The following RCBTB1 variants were observed in gnomAD, a reference collection of about 807,000 sequenced individuals.
RCBTB1 encodes RCC1 and BTB domain containing protein 1, also known as RCC1 and BTB domain-containing protein 1.
RCBTB1 carries 46 observed loss-of-function variants against 62.4 expected under a neutral mutation model. The observed-to-expected ratio is 0.74, with a 90% CI of 0.58 to 0.94. RCBTB1 has a LOEUF of 0.94. Among genes scored for constraint, RCBTB1 ranks in the 40% least tolerant of loss-of-function variants. The pLI, the probability that RCBTB1 is intolerant of heterozygous loss-of-function variation, is 0.00. For missense variants in RCBTB1, 565 were observed against 654.9 expected (o/e 0.86, Z 1.50); for synonymous variants, 222 against 245.8 (o/e 0.90, Z 0.91).
chr13:49,555,857 G>C (rs1041411034), intron 5 of RCBTB1, among the ~76,000 whole-genome samples, 184 bp from the exon 6 acceptor site: 3 of 152,166 alleles, frequency 2.0e-5, no homozygotes, highest in Non-Finnish European at 2.9e-5. Flanking sequence ...AGTGACCCTA[G>C]AGTAGGTAGT....
Position 49,551,395 on chromosome 13 carries a change from T to C in RCBTB1, c.785A>G (p.Tyr262Cys), listed in dbSNP as rs1961325405. ...GLLYAWGANT[Y>C]GQLGTGNKNN... ...TTTATTGCCAGTTCCCAGCTGCCCA[T>C]ATGTGTTAGCTCCCCAGGCATACAG... The change falls in exon 8 of 13, where the codon TAT becomes TGT. Residue 262 changes from tyrosine (Y) to cysteine (C), a missense_variant. By Grantham distance (194) the Tyr-to-Cys change is radical. Coordinates refer to ENST00000378302, the MANE Select transcript of RCBTB1 (RefSeq NM_018191.4). 1 of 1,614,072 alleles carries C rather than the reference T, an allele frequency of 6.2e-7. No individual in the cohort carries two copies. The highest frequency in any genetic ancestry group is 1.7e-5 in the Admixed American group (1 of 60,002).
At chr13:49,551,919 C>T (rs1320036300) in intron 7 of RCBTB1, among the ~76,000 whole-genome samples, 1 of 139,974 alleles carries the variant, frequency 7.1e-6, no homozygotes, top group African/African-American at 2.7e-5. Flanking sequence ...AAAAAAAAAG[C>T]ATTAGAAAAG....
intron 12 of RCBTB1, chr13:49,538,165 CT>C (rs1048736903): frequency 4.7e-4 from 72 of 152,248 alleles, no homozygotes; most frequent in African/African-American, 1.3e-3. Context: ...AGTAAGAGGG[CT>C]TTCTTTTTAA....
intron 2 of RCBTB1, among the ~76,000 whole-genome samples, chr13:49,570,105 G>A (rs1195231237): frequency 2.6e-5 from 4 of 152,120 alleles, no homozygotes; most frequent in Admixed American, 6.6e-5. Context: ...CCTTCAAAAT[G>A]TTTAATTTTA....
At chr13:49,544,644 C>A in intron 10 of RCBTB1, 93 bp downstream of exon 10, 3 of 1,038,934 alleles carry the variant, frequency 2.9e-6, no homozygotes, top group South Asian at 1.6e-5. Context: ...TTTCTCTCTA[C>A]TACCAAGGCT....
At chr13:49,583,271 T>A (rs1427576827) in intron 1 of RCBTB1, among the ~76,000 whole-genome samples, 1 of 151,970 alleles carries the variant, frequency 6.6e-6, no homozygotes, top group Non-Finnish European at 1.5e-5. Context: ...CAGAGAAACC[T>A]AGCAGGATGG....
intron 2 of RCBTB1, among the ~76,000 whole-genome samples, chr13:49,568,653 GA>G (rs1555290382): frequency 0.038 from 402 of 10,520 alleles, 1 homozygote; most frequent in African/African-American, 0.077. Flanking sequence ...CAGGCCGGGG[GA>G]GGGGGGTGGC....
intron 4 of RCBTB1, among the ~76,000 whole-genome samples, chr13:49,563,573 T>G (rs1165976330): frequency 6.6e-6 from 1 of 152,016 alleles, no homozygotes; most frequent in Non-Finnish European, 1.5e-5. Flanking sequence ...GCATGAGAAT[T>G]GCTTGAACCC....
intron 5 of RCBTB1, among the ~76,000 whole-genome samples, chr13:49,556,734 C>T (rs1242836460): frequency 6.6e-6 from 1 of 152,162 alleles, no homozygotes; most frequent in Non-Finnish European, 1.5e-5. Context: ...AGGTTCATTT[C>T]ACAGGTACAA....
intron 12 of RCBTB1, among the ~76,000 whole-genome samples, chr13:49,536,847 G>A (rs568113769): frequency 6.6e-6 from 1 of 152,206 alleles, no homozygotes; most frequent in African/African-American, 2.4e-5. Context: ...TAGCAAAGAA[G>A]ACAAAAATAA....
chr13:49,560,683 G>C (rs1463751286), intron 4 of RCBTB1, among the ~76,000 whole-genome samples: 1 of 152,054 alleles, frequency 6.6e-6, no homozygotes, highest in Non-Finnish European at 1.5e-5. Context: ...ATTTGGACAG[G>C]GGACAATGAA....
In RCBTB1 at chr13:49,570,315, A is replaced by G. The variant is rs562948874; in HGVS notation, c.-41-2995T>C. ...ACCTTCATAATGATGGGGCATTATT[A>G]TACGCACTGACTTCACCCAGTGCTA... is the stretch of plus-strand genomic sequence containing the variant. On this transcript the variant is annotated intron_variant, in intron 2 of 12. Coordinates refer to ENST00000378302, the MANE Select transcript of RCBTB1 (RefSeq NM_018191.4). Among the ~76,000 whole-genome samples, 4 of 152,370 alleles carry G rather than the reference A, an allele frequency of 2.6e-5. No individual in the cohort carries two copies. In the East Asian group the frequency reaches 7.7e-4, roughly 29 times the overall value.
At chr13:49,568,249 T>C (rs1188443502) in intron 2 of RCBTB1, among the ~76,000 whole-genome samples, 1 of 152,258 alleles carries the variant, frequency 6.6e-6, no homozygotes, top group Non-Finnish European at 1.5e-5. Flanking sequence ...CCAATGGTAC[T>C]ATGGCATTCC....
chr13:49,579,624 GAAAAA>G (rs66531473), intron 2 of RCBTB1, among the ~76,000 whole-genome samples: 392 of 139,044 alleles, frequency 2.8e-3, no homozygotes, highest in African/African-American at 9.7e-3. Flanking sequence ...ACTTGTCTCA[GAAAAA>G]AAAAAAAAAA....
rs770474031 is a variant in RCBTB1, at chr13:49,555,517, C to T, written c.601G>A (p.Glu201Lys). The T allele has an allele frequency of 1.4e-5, 22 of 1,613,076 alleles. No individual in the cohort carries two copies. The highest frequency in any genetic ancestry group is 4.4e-5 in the South Asian group (4 of 91,040). The change falls in exon 6 of 13, where the codon GAG becomes AAG. Residue 201 changes from glutamate (E) to lysine (K), a missense_variant and splice_region_variant. By Grantham distance (56) the Glu-to-Lys change is moderately conservative (BLOSUM62 1). Transcript: ENST00000378302. ...TSSMAVLDNG[E>K]VYGWGYNGNG... is the part of the protein sequence containing the mutation. ...AAATGGGAGTGGAGACACCTCACCT[C>T]GCCATTGTCCAGAACAGCCATGGAT...
At chr13:49,562,611 CTT>C (rs1235919164) in intron 4 of RCBTB1, among the ~76,000 whole-genome samples, 2 of 150,244 alleles carry the variant, frequency 1.3e-5, no homozygotes, top group Non-Finnish European at 3.0e-5. Context: ...GAAAATTTTT[CTT>C]TTTTTGAGAT....
intron 6 of RCBTB1, among the ~76,000 whole-genome samples, chr13:49,552,623 C>T (rs1023529699): frequency 2.0e-5 from 3 of 151,956 alleles, no homozygotes; most frequent in Admixed American, 1.3e-4. Flanking sequence ...GTTTAACAGG[C>T]GAAATAGATA....
intron 9 of RCBTB1, chr13:49,546,770 C>G (rs1385903687): frequency 5.9e-6 from 1 of 168,258 alleles, no homozygotes; most frequent in Non-Finnish European, 1.2e-5. Flanking sequence ...AGGTGGAGCT[C>G]AGGCGGTAAT....
At chr13:49,581,001 C>T (rs1473672069) in intron 1 of RCBTB1, among the ~76,000 whole-genome samples, 1 of 152,086 alleles carries the variant, frequency 6.6e-6, no homozygotes, top group Non-Finnish European at 1.5e-5. Context: ...GAGAAGCAGG[C>T]GCCTGCAACA....
Sources: allele counts gnomAD v4.1 joint callset (sites outside exome capture counted in the v4.1 genomes callset), GRCh38; gene constraint gnomAD v4.1.1; transcripts MANE v1.5; gene names NCBI Gene and HGNC (gene_info 2026-07-23, HGNC 2026-07-21).